The following CTNNA3 variants were observed in gnomAD, a reference collection of about 807,000 sequenced individuals.
CTNNA3 encodes the protein catenin alpha-3.
Under a neutral mutation model 95.7 loss-of-function variants are expected in CTNNA3, and 76 were observed. The observed-to-expected ratio is 0.79, with a 90% CI of 0.66 to 0.96. The LOEUF is 0.96. Among genes scored for constraint, CTNNA3 ranks in the 40% least tolerant of loss-of-function variants. The probability of loss-of-function intolerance (pLI) is 0.00; values close to 1 mark genes in which losing one functional copy is unlikely to be tolerated. For synonymous variants in CTNNA3, 431 were observed against 374.4 expected (o/e 1.15, Z -1.74); for missense variants, 1,191 against 1,089.8 (o/e 1.09, Z -1.31).
chr10:66,926,743 T>G (rs1242448200), intron 7 of CTNNA3, among the ~76,000 whole-genome samples: 1 of 152,100 alleles, frequency 6.6e-6, no homozygotes, highest in Non-Finnish European at 1.5e-5. Context: ...CTTGTTTAAC[T>G]ATTTAAAAAA....
chr10:67,629,994 C>A (rs1004604410), intron 2 of CTNNA3, among the ~76,000 whole-genome samples: 1 of 152,116 alleles, frequency 6.6e-6, no homozygotes, highest in Non-Finnish European at 1.5e-5. Context: ...AGGATGCTAA[C>A]GGGACCAATT....
chr10:67,579,101 C>T lies in CTNNA3; in HGVS notation c.292+27756G>A, dbSNP rs568970808. ...TAAGTTCTAGGGTACATGTGCACAACGTGCAGGTTTGTTACATATGTATGC... is the reference window on the plus strand; with the variant it reads ...TAAGTTCTAGGGTACATGTGCACAATGTGCAGGTTTGTTACATATGTATGC... On this transcript the variant is annotated intron_variant, in intron 3 of 17. Coordinates refer to ENST00000433211, the MANE Select transcript of CTNNA3 (RefSeq NM_013266.4). Among the ~76,000 whole-genome samples the T allele has an allele frequency of 4.1e-4, 61 of 147,052 alleles. 1 individual carries two copies. The highest frequency in any genetic ancestry group is 3.0e-3 in the South Asian group (14 of 4,608).
chr10:66,120,850 A>C (rs1170163042), intron 13 of CTNNA3, among the ~76,000 whole-genome samples: 10 of 152,190 alleles, frequency 6.6e-5, no homozygotes, highest in Admixed American at 6.5e-4. Flanking sequence ...AAGAGAGGAA[A>C]AGAAAGCAGG....
At chr10:66,981,926 AG>A (rs1850465846) in intron 7 of CTNNA3, among the ~76,000 whole-genome samples, 2 of 152,208 alleles carry the variant, frequency 1.3e-5, no homozygotes, top group Admixed American at 1.3e-4. Flanking sequence ...TGAAATCCAC[AG>A]GAAGCTCCCA....
chr10:66,438,422 G>A (rs927330132), intron 11 of CTNNA3, among the ~76,000 whole-genome samples: 2 of 152,218 alleles, frequency 1.3e-5, no homozygotes, highest in Admixed American at 1.3e-4. Context: ...TAGAGAGGCA[G>A]TCTGGCTACA....
At chr10:66,002,260 A>G (rs898867840) in intron 15 of CTNNA3, among the ~76,000 whole-genome samples, 1 of 152,116 alleles carries the variant, frequency 6.6e-6, no homozygotes, top group Non-Finnish European at 1.5e-5. Flanking sequence ...AATTTGGCAA[A>G]TTTCTCCCTC....
intron 5 of CTNNA3, among the ~76,000 whole-genome samples, chr10:67,492,267 T>C (rs1219345533): frequency 6.6e-6 from 1 of 151,932 alleles, no homozygotes; most frequent in Non-Finnish European, 1.5e-5. Flanking sequence ...AAATTAAGAT[T>C]TACAGGAAAA....
chr10:67,421,509 A>T (rs1402365008), intron 5 of CTNNA3, among the ~76,000 whole-genome samples: 1 of 152,198 alleles, frequency 6.6e-6, no homozygotes, highest in Non-Finnish European at 1.5e-5. Context: ...AAGACTACCC[A>T]CAAGGGCACC....
chr10:67,230,947 G>T (rs932874131), intron 5 of CTNNA3, among the ~76,000 whole-genome samples: 6 of 152,158 alleles, frequency 3.9e-5, no homozygotes, highest in Admixed American at 6.5e-5. Flanking sequence ...ACTCCCACCC[G>T]AATACTGCGC....
intron 9 of CTNNA3, among the ~76,000 whole-genome samples, chr10:66,708,179 C>A (rs1848178686): frequency 6.6e-6 from 1 of 151,268 alleles, no homozygotes; most frequent in Non-Finnish European, 1.5e-5. Context: ...TGTACAAGGT[C>A]TAGATGTGAC....
intron 13 of CTNNA3, among the ~76,000 whole-genome samples, chr10:66,109,800 C>T (rs2082048474): frequency 6.6e-6 from 1 of 151,240 alleles, no homozygotes; most frequent in African/African-American, 2.4e-5. Flanking sequence ...AGCACACCAA[C>T]ATGGCACATG....
chr10:65,992,655 C>A (rs1473888071), intron 15 of CTNNA3, among the ~76,000 whole-genome samples: 1 of 151,922 alleles, frequency 6.6e-6, no homozygotes, highest in Non-Finnish European at 1.5e-5. Context: ...GTCTTGCTAG[C>A]AGGTTATTTA....
intron 9 of CTNNA3, among the ~76,000 whole-genome samples, chr10:66,636,545 T>C (rs1202401409): frequency 6.6e-6 from 1 of 152,186 alleles, no homozygotes; most frequent in Non-Finnish European, 1.5e-5. Context: ...TGCACAAGGT[T>C]AAATTGTGAA....
upstream of CTNNA3, among the ~76,000 whole-genome samples, chr10:67,700,503 A>C (rs549586609): frequency 1.3e-5 from 2 of 152,336 alleles, no homozygotes; most frequent in African/African-American, 2.4e-5. Flanking sequence ...CGCTGCTGAT[A>C]TCCAGCAAAC....
intron 7 of CTNNA3, among the ~76,000 whole-genome samples, chr10:67,048,704 T>G (rs962270335): frequency 2.6e-5 from 4 of 152,018 alleles, no homozygotes; most frequent in African/African-American, 9.7e-5. Context: ...AGGATCAAAG[T>G]TCAAAAACAG....
intron 9 of CTNNA3, among the ~76,000 whole-genome samples, chr10:66,687,700 CATAT>C (rs138007950): frequency 0.33 from 49,116 of 147,124 alleles, 8,909 homozygotes; most frequent in East Asian, 0.59. Flanking sequence ...TGTATTGATT[CATAT>C]ATATATATAT....
In CTNNA3 at chr10:67,147,388, T is replaced by C. The variant is rs557576206; in HGVS notation, c.1047+32929A>G. Among the ~76,000 whole-genome samples the C allele has an allele frequency of 1.2e-3, 177 of 152,326 alleles. 3 individuals carry two copies. The highest frequency in any genetic ancestry group is 3.9e-3 in the African/African-American group (164 of 41,584). ...GAATGGTTATGAGAATTAAATGATG[T>C]ATAAAGTTTCTAAAACAGTAACTGG... On this transcript the variant is annotated intron_variant, in intron 7 of 17. Coordinates refer to ENST00000433211, the MANE Select transcript of CTNNA3 (RefSeq NM_013266.4).
At chr10:67,119,123 T>C (rs2131988493) in intron 7 of CTNNA3, among the ~76,000 whole-genome samples, 1 of 152,034 alleles carries the variant, frequency 6.6e-6, no homozygotes, top group Admixed American at 6.6e-5. Flanking sequence ...CTCTACAAAA[T>C]AACCAACCAG....
chr10:66,484,133 T>A (rs2131911554), intron 11 of CTNNA3, among the ~76,000 whole-genome samples: 1 of 151,166 alleles, frequency 6.6e-6, no homozygotes, highest in African/African-American at 2.5e-5. Flanking sequence ...ACCATGTTGC[T>A]AATGCAACCA....
Sources: allele counts gnomAD v4.1 joint callset (sites outside exome capture counted in the v4.1 genomes callset), GRCh38; gene constraint gnomAD v4.1.1; transcripts MANE v1.5; gene names NCBI Gene and HGNC (gene_info 2026-07-23, HGNC 2026-07-21).